The following PKHD1 variants were observed in gnomAD, a reference collection of about 807,000 sequenced individuals.
The protein encoded by PKHD1 is PKHD1 ciliary IPT domain containing fibrocystin/polyductin, also known as fibrocystin.
Under a neutral mutation model 412.0 loss-of-function variants are expected in PKHD1, and 291 were observed. The ratio of observed to expected loss-of-function variants is 0.71; its 90% CI spans 0.64 to 0.78. The LOEUF (loss-of-function observed/expected upper bound fraction) is 0.78. Among genes scored for constraint, PKHD1 ranks in the 30% least tolerant of loss-of-function variants. The probability of loss-of-function intolerance (pLI) is 0.00; values close to 1 mark genes in which losing one functional copy is unlikely to be tolerated. For missense variants in PKHD1, 4,825 were observed against 4,950.7 expected, an observed-to-expected ratio of 0.97 and a Z score of 0.76; for synonymous variants, 1,777 against 1,821.5, an observed-to-expected ratio of 0.98 and a Z score of 0.62.
At chr6:51,984,643 C>A (rs1377430158) in intron 35 of PKHD1, among the ~76,000 whole-genome samples, 2 of 152,166 alleles carry the variant, frequency 1.3e-5, no homozygotes, top group Non-Finnish European at 2.9e-5. Flanking sequence ...CAGAACTGCT[C>A]CCCTTTCCCT....
At chr6:52,037,269 T>C (rs1804106771) in intron 27 of PKHD1, among the ~76,000 whole-genome samples, 1 of 152,114 alleles carries the variant, frequency 6.6e-6, no homozygotes, top group Non-Finnish European at 1.5e-5. Context: ...GAAAGTTTTT[T>C]GACTAGAAGG....
intron 65 of PKHD1, among the ~76,000 whole-genome samples, chr6:51,627,692 C>G (rs1166374231): frequency 1.3e-5 from 2 of 152,072 alleles, no homozygotes; most frequent in African/African-American, 4.8e-5. Flanking sequence ...TCTCCATTGT[C>G]AACAACCTGT....
At chr6:51,781,878 C>T (rs1333522097) in intron 53 of PKHD1, among the ~76,000 whole-genome samples, 3 of 151,802 alleles carry the variant, frequency 2.0e-5, no homozygotes. Context: ...TATTAAGTGA[C>T]TACTTATTTC....
chr6:51,819,790 T>G (rs952234901), intron 52 of PKHD1, among the ~76,000 whole-genome samples: 4 of 152,156 alleles, frequency 2.6e-5, no homozygotes, highest in African/African-American at 9.7e-5. Context: ...TACATGTAAA[T>G]CAATTTTGGC....
intron 52 of PKHD1, among the ~76,000 whole-genome samples, chr6:51,822,901 G>A (rs1766678957): frequency 6.6e-6 from 1 of 151,838 alleles, no homozygotes; most frequent in Non-Finnish European, 1.5e-5. Context: ...CAAGTTTATG[G>A]TACTTATTAT....
At chr6:51,708,503 C>G (rs576517973) in intron 60 of PKHD1, among the ~76,000 whole-genome samples, 101 of 152,296 alleles carry the variant, frequency 6.6e-4, no homozygotes, top group African/African-American at 2.3e-3. Context: ...TGTTACTGCC[C>G]TTAGAATCAA....
At chr6:51,966,953 T>A (rs1792901146) in intron 35 of PKHD1, among the ~76,000 whole-genome samples, 1 of 150,652 alleles carries the variant, frequency 6.6e-6, no homozygotes, top group Non-Finnish European at 1.5e-5. Flanking sequence ...AGAAGTAGAG[T>A]ATGAGCCAGA....
chr6:51,819,383 G>A (rs1313550199), intron 52 of PKHD1, among the ~76,000 whole-genome samples: 2 of 152,128 alleles, frequency 1.3e-5, no homozygotes, highest in Non-Finnish European at 2.9e-5. Flanking sequence ...AGTTTCAGAG[G>A]AAACACTTTG....
In PKHD1 at chr6:51,847,923, C is replaced by G. The variant is rs2151628824; in HGVS notation, c.7959G>C (p.Leu2653=). 1 of 1,613,974 alleles carries G rather than the reference C, an allele frequency of 6.2e-7. No homozygotes were observed. Among genetic ancestry groups the G allele is most frequent in the Non-Finnish European group, 8.5e-7 (1 of 1,179,936 alleles). The change falls in exon 50 of 67, where the codon CTG becomes CTC. Residue 2653 remains leucine, a synonymous_variant. Transcript: ENST00000371117. ...GGTAAGGCGGCAAATCTGTGTGCACCAGCAGTAGGTAATTACCAGGAGCAA... is the reference window on the plus strand; with the variant it reads ...GGTAAGGCGGCAAATCTGTGTGCACGAGCAGTAGGTAATTACCAGGAGCAA... ...DNFAPGNYLL[L]VHTDLPPYPD... is the part of the protein sequence containing the mutation.
intron 28 of PKHD1, 94 bp downstream of exon 28, chr6:52,035,497 G>T: frequency 8.5e-7 from 1 of 1,173,342 alleles, no homozygotes; most frequent in Non-Finnish European, 1.3e-6. Flanking sequence ...GTTTACATCA[G>T]TTCATTTAGT....
At chr6:51,725,263 A>C (rs1782433650) in intron 60 of PKHD1, among the ~76,000 whole-genome samples, 1 of 152,182 alleles carries the variant, frequency 6.6e-6, no homozygotes, top group Non-Finnish European at 1.5e-5. Context: ...ATCTGGAATA[A>C]GGCCTCTGGA....
intron 28 of PKHD1, 125 bp from the exon 29 acceptor site, chr6:52,033,290 A>G (rs928426450): frequency 1.3e-6 from 1 of 778,910 alleles, no homozygotes; most frequent in African/African-American, 1.7e-5. Context: ...CCTAAAGGGT[A>G]TATTTCCTAC....
intron 11 of PKHD1, among the ~76,000 whole-genome samples, chr6:52,066,764 G>A (rs1402273732): frequency 1.3e-5 from 2 of 152,132 alleles, no homozygotes; most frequent in African/African-American, 2.4e-5. Flanking sequence ...GCCGGGTTCC[G>A]TGGTGTGCAC....
intron 60 of PKHD1, among the ~76,000 whole-genome samples, chr6:51,719,422 G>C (rs932975566): frequency 1.3e-5 from 2 of 152,112 alleles, no homozygotes; most frequent in African/African-American, 4.8e-5. Context: ...ATTATCGGTT[G>C]AAAGGTGCTA....
chr6:51,983,205 AT>A (rs1215984093), intron 35 of PKHD1, among the ~76,000 whole-genome samples: 1 of 152,196 alleles, frequency 6.6e-6, no homozygotes, highest in African/African-American at 2.4e-5. Context: ...GTTAAACAAA[AT>A]TTTTTTAAAT....
In PKHD1 at chr6:51,748,472, G is replaced by A. The variant is rs772138645; in HGVS notation, c.9144C>T (p.Gly3048=). ...LNDNIVFGTA[G]HGIDLEGQAY... is the part of the protein sequence containing the mutation. ...CCTGACCCTCTAAATCTATGCCATG[G>A]CCAGCTGTGCCAAACACAATATTGT... The change falls in exon 58 of 67, where the codon GGC becomes GGT. Residue 3048 remains glycine (G), a synonymous_variant. Transcript: ENST00000371117. The A allele has an allele frequency of 6.2e-7, 1 of 1,613,798 alleles. No individual in the cohort carries two copies. Among genetic ancestry groups the A allele is most frequent in the Non-Finnish European group, 8.5e-7 (1 of 1,179,842 alleles).
intron 55 of PKHD1, among the ~76,000 whole-genome samples, chr6:51,764,404 T>G (rs1788597637): frequency 1.4e-5 from 2 of 147,010 alleles, no homozygotes; most frequent in African/African-American, 5.0e-5. Flanking sequence ...CATTAAAAAG[T>G]CAGGAAACAA....
chr6:52,083,380 G>A (rs1038187709), intron 2 of PKHD1, 125 bp from the exon 3 acceptor site: 4 of 727,448 alleles, frequency 5.5e-6, no homozygotes, highest in Non-Finnish European at 1.0e-5. Context: ...AGCACAGGTG[G>A]TTGCACCACA....
rs7760759 is a variant in PKHD1, at chr6:51,727,109, G to C, written c.10156+17276C>G. Among the ~76,000 whole-genome samples the C allele has an allele frequency of 7.4e-3, 1,130 of 152,290 alleles. 18 individuals carry two copies. Among genetic ancestry groups the C allele is most frequent in the African/African-American group, 0.025 (1,047 of 41,558 alleles). On this transcript the variant is annotated intron_variant, in intron 60 of 66. Transcript: ENST00000371117. ...GGCAGCCCTAGAAGTTGAGCATGAA[G>C]CCTGGCCTACAGTGAACAAGGACAC... is the stretch of plus-strand genomic sequence containing the variant.
Sources: gnomAD v4.1 joint callset for allele counts (sites outside exome capture counted in the v4.1 genomes callset) on GRCh38, gnomAD v4.1.1 for gene constraint, MANE v1.5 for transcripts, NCBI Gene and HGNC (gene_info 2026-07-23, HGNC 2026-07-21) for gene names.